The following DNAH3 variants were observed in gnomAD, a reference collection of about 807,000 sequenced individuals.
DNAH3 encodes dynein axonemal heavy chain 3.
A neutral mutation model predicts 432.5 loss-of-function variants in DNAH3; 332 were observed. The ratio of observed to expected loss-of-function variants is 0.77; its 90% confidence interval spans 0.70 to 0.84. DNAH3 has a LOEUF of 0.84. Ranked by LOEUF, DNAH3 falls within the 40% of genes least tolerant of loss-of-function variation. DNAH3 has a pLI of 0.00. For synonymous variants in DNAH3, 1,956 were observed against 1,900.2 expected (o/e 1.03, Z -0.76); for missense variants, 4,861 against 5,114.0 (o/e 0.95, Z 1.51).
chr16:21,008,436 CCT>C (rs201061864), intron 41 of DNAH3, among the ~76,000 whole-genome samples: 2,278 of 152,106 alleles, frequency 0.015, 22 homozygotes, highest in South Asian at 0.033. Context: ...AGCACTGTAC[CCT>C]CTCTCTGAAA....
intron 36 of DNAH3, among the ~76,000 whole-genome samples, chr16:21,033,484 C>A (rs1460666132): frequency 1.3e-5 from 2 of 151,974 alleles, no homozygotes; most frequent in Non-Finnish European, 2.9e-5. Flanking sequence ...GAGGATAACA[C>A]AGGTTTAGTC....
intron 41 of DNAH3, among the ~76,000 whole-genome samples, chr16:21,016,723 T>TCCCC (rs2087875933): frequency 6.6e-6 from 1 of 152,212 alleles, no homozygotes. Flanking sequence ...CATAGCAGCT[T>TCCCC]TATTCGCAAT....
intron 53 of DNAH3, among the ~76,000 whole-genome samples, chr16:20,960,460 C>A (rs1254009874): frequency 1.3e-5 from 2 of 152,092 alleles, no homozygotes; most frequent in African/African-American, 4.8e-5. Context: ...CCGAGACGAG[C>A]GGATCACTTG....
Position 20,985,215 on chromosome 16 carries a change from CAGAAGCATGTTGA to C in DNAH3, c.7514_7526del (p.Ile2505ArgfsTer48). ...AGATGTTAGGCACGTCACCTGTGTTCAGAAGCATGTTGATGTCCTCCACGAATGATTCATCCTT... is the reference window on the plus strand; with the variant it reads ...AGATGTTAGGCACGTCACCTGTGTTCTGTCCTCCACGAATGATTCATCCTT... On this transcript the variant is annotated frameshift_variant, in exon 48 of 62. Transcript: ENST00000261383. LOFTEE classifies it high-confidence loss of function. 2 of 1,614,188 alleles carry C rather than the reference CAGAAGCATGTTGA, an allele frequency of 1.2e-6. No homozygotes were observed. The highest frequency in any genetic ancestry group is 1.7e-6 in the Non-Finnish European group (2 of 1,180,036).
intron 49 of DNAH3, among the ~76,000 whole-genome samples, chr16:20,980,184 T>C (rs2085798339): frequency 7.2e-6 from 1 of 138,634 alleles, no homozygotes. Context: ...TATATATATA[T>C]ATATAATTTT....
Position 21,140,805 on chromosome 16 carries a change from G to A in DNAH3, c.522-95C>T, listed in dbSNP as rs2092708844. 5 of 1,101,040 alleles carry A rather than the reference G, an allele frequency of 4.5e-6. No homozygotes were observed. The South Asian group carries it at 7.8e-5, about 17-fold the overall frequency. The allele number at this position is 1,101,040 out of a possible 1,614,324, so 68.2% of individuals were successfully genotyped here. On this transcript the variant is annotated intron_variant, in intron 4 of 61. Coordinates refer to ENST00000261383, the Ensembl canonical transcript of DNAH3. ...TCCCTAGCCTGATGAGTGTGGTTCT[G>A]CAAATAGAAGCCTCTCTCCTCTGTG...
exon 53 of DNAH3, chr16:20,964,693 A>G (rs1165601496): frequency 1.2e-6 from 2 of 1,614,062 alleles, no homozygotes; most frequent in East Asian, 2.2e-5. Context: ...GTCGATGGAG[A>G]AGGAGTCAAC....
At chr16:21,101,398 A>C (rs1402064716) in intron 16 of DNAH3, among the ~76,000 whole-genome samples, 2 of 152,202 alleles carry the variant, frequency 1.3e-5, no homozygotes, top group African/African-American at 2.4e-5. Flanking sequence ...TACATATTTC[A>C]TATAAATAAA....
chr16:21,108,609 G>C (rs2091999672), intron 14 of DNAH3, among the ~76,000 whole-genome samples: 1 of 152,100 alleles, frequency 6.6e-6, no homozygotes, highest in African/African-American at 2.4e-5. Flanking sequence ...CAGGTGTATT[G>C]GTGAGCATCT....
intron 40 of DNAH3, among the ~76,000 whole-genome samples, chr16:21,020,374 A>ATTATATATATATATATAAAAT (rs2088120169): frequency 2.6e-5 from 1 of 38,152 alleles, no homozygotes; most frequent in African/African-American, 1.2e-4. Flanking sequence ...ATATAAAATC[A>ATTATATATATATATATAAAAT]CTATATATAT....
rs1307403826 is a variant in DNAH3, at chr16:21,000,529, C to T, written c.6127-11G>A. The T allele has an allele frequency of 1.3e-6, 2 of 1,584,480 alleles. No individual in the cohort carries two copies. The highest frequency in any genetic ancestry group is 8.6e-7 in the Non-Finnish European group (1 of 1,163,016). On this transcript the variant is annotated splice_polypyrimidine_tract_variant and intron_variant, in intron 42 of 61. Transcript: ENST00000261383. The stretch of plus-strand genomic sequence containing the variant: ...GATGAGTTCTGAGACCTGTACCACA[C>T]AGACATGGGAGAGTCTCGGTTGTGG...
intron 25 of DNAH3, among the ~76,000 whole-genome samples, chr16:21,061,517 C>T (rs1051713198): frequency 5.9e-5 from 9 of 152,168 alleles, no homozygotes; most frequent in African/African-American, 1.4e-4. Context: ...AGCCACCACG[C>T]CCGGCCCATT....
intron 57 of DNAH3, 113 bp from the exon 58 acceptor site, chr16:20,944,776 G>C: frequency 1.4e-6 from 1 of 701,036 alleles, no homozygotes; most frequent in Non-Finnish European, 2.4e-6. Context: ...AGTAGCACAG[G>C]ACACACACAC....
Position 21,027,481 on chromosome 16 carries a change from G to C in DNAH3, c.5440-354C>G, listed in dbSNP as rs376561408. ...ACTATATAGATCCACACCTAAGTGT[G>C]TATTTATTTAGTGATGGCCTTCCTA... is the stretch of plus-strand genomic sequence containing the variant. On this transcript the variant is annotated intron_variant, in intron 37 of 61. Transcript: ENST00000261383. 1.4e-3 allele frequency among the ~76,000 whole-genome samples: 215 copies of C among 152,358 alleles called. 8 individuals are homozygous for C. The South Asian group carries it at 0.044, about 31-fold the overall frequency.
rs760307796 is a variant in DNAH3, at chr16:20,944,589, G to A, written c.11418C>T (p.Asp3806=). Residue 3806 remains aspartate, a synonymous_variant, in exon 58 of 62, where the codon GAC becomes GAT. Transcript: ENST00000261383. ...TGGTTTCCTGGTTGTCTTTGGTGAT[G>A]TCTGCGTTCTCATGGAGGCCGAACA... The A allele has an allele frequency of 6.2e-6, 10 of 1,614,026 alleles. No homozygotes were observed. In the East Asian group the frequency reaches 2.2e-4, roughly 36 times the overall value.
intron 54 of DNAH3, among the ~76,000 whole-genome samples, chr16:20,956,541 C>T (rs1263945915): frequency 6.6e-6 from 1 of 152,106 alleles, no homozygotes; most frequent in African/African-American, 2.4e-5. Context: ...AACTTGAGTT[C>T]ATGATTTTTG....
chr16:20,964,226 T>C, exon 53 of DNAH3: 1 of 1,614,164 alleles, frequency 6.2e-7, no homozygotes, highest in East Asian at 2.2e-5. Context: ...TGGTTCTTTT[T>C]CTCTTCCAGC....
At chr16:20,988,172 C>G (rs746776582) in intron 44 of DNAH3, 107 bp from the exon 45 acceptor site, 1 of 1,471,420 alleles carries the variant, frequency 6.8e-7, no homozygotes, top group Non-Finnish European at 9.3e-7. Context: ...CCTTCATGTT[C>G]CAGAGCTGTG....
At chr16:20,974,770 T>C (rs1372783054) in intron 51 of DNAH3, among the ~76,000 whole-genome samples, 4 of 151,358 alleles carry the variant, frequency 2.6e-5, no homozygotes, top group Admixed American at 2.6e-4. Context: ...TCAGAACAAC[T>C]TCCTTCATCA....
Sources: allele counts gnomAD v4.1 joint callset (sites outside exome capture counted in the v4.1 genomes callset), GRCh38; gene constraint gnomAD v4.1.1; transcripts MANE v1.5; gene names NCBI Gene and HGNC (gene_info 2026-07-23, HGNC 2026-07-21).